The following TLL1 variants were observed in gnomAD, a reference collection of about 807,000 sequenced individuals.
TLL1 encodes tolloid-like protein 1.
A neutral mutation model predicts 128.2 loss-of-function variants in TLL1; 49 were observed. That is an observed-to-expected ratio of 0.38 (90% CI 0.30 to 0.48). The LOEUF (loss-of-function observed/expected upper bound fraction) is 0.48. TLL1 is among the 20% of genes least tolerant of loss of function. The pLI is 0.96. For synonymous variants in TLL1, 454 were observed against 418.8 expected, an observed-to-expected ratio of 1.08 and a Z score of -1.03; for missense variants, 1,123 against 1,242.0, an observed-to-expected ratio of 0.90 and a Z score of 1.44.
intron 9 of TLL1, among the ~76,000 whole-genome samples, chr4:166,028,751 G>T (rs1338032045): frequency 2.6e-5 from 4 of 151,884 alleles, no homozygotes; most frequent in Non-Finnish European, 5.9e-5. Context: ...GATGGTTTGG[G>T]TTAAAACTCT....
At chr4:166,009,935 A>G (rs1463032587) in intron 7 of TLL1, among the ~76,000 whole-genome samples, 1 of 151,394 alleles carries the variant, frequency 6.6e-6, no homozygotes, top group Non-Finnish European at 1.5e-5. Flanking sequence ...TAACTTATTC[A>G]TCTTGCAAAA....
intron 1 of TLL1, among the ~76,000 whole-genome samples, chr4:165,969,958 C>T (rs887850042): frequency 6.6e-6 from 1 of 152,020 alleles, no homozygotes; most frequent in Non-Finnish European, 1.5e-5. Context: ...TGTAATTTTA[C>T]AGAAATTTGT....
At chr4:166,004,631 G>T (rs1460821054) in intron 6 of TLL1, among the ~76,000 whole-genome samples, 1 of 152,122 alleles carries the variant, frequency 6.6e-6, no homozygotes. Context: ...AAGTAAAGCA[G>T]AAGTATTTCA....
chr4:165,873,950 G>A lies in TLL1; in HGVS notation c.46G>A (p.Ala16Thr). ...CCCGAGGATGCTCGTGTGGCTGGTGGCCTCGGGGATTGTTTTCTACGGGGA... is the reference window on the plus strand; with the variant it reads ...CCCGAGGATGCTCGTGTGGCTGGTGACCTCGGGGATTGTTTTCTACGGGGA... ...LSPRMLVWLV[A>T]SGIVFYGELW... Residue 16 changes from alanine to threonine, a missense_variant, in exon 1 of 21, where the codon GCC becomes ACC. Ala to Thr is a moderately conservative substitution (Grantham distance 58). Around this residue, in one of 3 missense-constraint regions of TLL1, gnomAD observed 480 missense variants for 542.4 expected, o/e 0.89. Coordinates refer to ENST00000061240, the MANE Select transcript of TLL1 (RefSeq NM_012464.5). 6.2e-7 allele frequency: 1 copy of A among 1,614,146 alleles called. No homozygotes were observed. Among genetic ancestry groups the A allele is most frequent in the East Asian group, 2.2e-5 (1 of 44,848 alleles).
intron 1 of TLL1, among the ~76,000 whole-genome samples, chr4:165,940,644 C>T (rs529093877): frequency 2.2e-4 from 34 of 152,082 alleles, no homozygotes; most frequent in African/African-American, 7.7e-4. Flanking sequence ...TTAATATGCA[C>T]ATATGCAAAG....
At chr4:166,099,616 A>T in intron 20 of TLL1, 89 bp downstream of exon 20, 2 of 1,389,600 alleles carry the variant, frequency 1.4e-6, no homozygotes, top group Non-Finnish European at 2.0e-6. Context: ...CAAGTTGGCA[A>T]TGCTTTTTGC....
At chr4:166,095,562 T>C (rs556259356) in intron 19 of TLL1, among the ~76,000 whole-genome samples, 95 of 152,194 alleles carry the variant, frequency 6.2e-4, no homozygotes, top group African/African-American at 2.2e-3. Flanking sequence ...TCTTTGTCAA[T>C]GACATTCAAA....
chr4:166,065,019 T>C (rs1579697511), intron 15 of TLL1, among the ~76,000 whole-genome samples: 1 of 152,088 alleles, frequency 6.6e-6, no homozygotes, highest in African/African-American at 2.4e-5. Context: ...GAAACATCTG[T>C]TAGTGGCCAT....
intron 1 of TLL1, among the ~76,000 whole-genome samples, chr4:165,954,416 A>G (rs1454402270): frequency 2.0e-5 from 3 of 152,168 alleles, no homozygotes; most frequent in African/African-American, 7.2e-5. Context: ...TATGACCACA[A>G]ACTTAATAAT....
chr4:165,976,821 C>A (rs1181484931), intron 1 of TLL1, among the ~76,000 whole-genome samples: 1 of 152,220 alleles, frequency 6.6e-6, no homozygotes, highest in East Asian at 1.9e-4. Flanking sequence ...ATGTCCAACC[C>A]ATGGCCTCTG....
rs751340215 is a variant in TLL1, at chr4:165,885,603, A to AAAC, written c.169+11532_169+11533insCAA. 3.0e-3 allele frequency among the ~76,000 whole-genome samples: 461 copies of AAAC among 152,018 alleles called. 2 individuals carry two copies. Among genetic ancestry groups the AAAC allele is most frequent in the African/African-American group, 0.01 (434 of 41,456 alleles). On this transcript the variant is annotated intron_variant, in intron 1 of 20. Transcript: ENST00000061240. ...TTCTGAAAACAAACAAACAAACAAAAAAAAAACTACCAAAGAGTAGCAAGG... is the reference window on the plus strand; with the variant it reads ...TTCTGAAAACAAACAAACAAACAAAAAACAAAAAACTACCAAAGAGTAGCAAGG...
At chr4:166,018,708 C>A (rs986828153) in intron 8 of TLL1, among the ~76,000 whole-genome samples, 1 of 151,928 alleles carries the variant, frequency 6.6e-6, no homozygotes, top group African/African-American at 2.4e-5. Flanking sequence ...AAAAAATGCT[C>A]ATCATTGCTA....
chr4:166,012,430 GA>G (rs2111047904), intron 7 of TLL1, among the ~76,000 whole-genome samples: 1 of 151,650 alleles, frequency 6.6e-6, no homozygotes, highest in East Asian at 1.9e-4. Context: ...GTCTGAAATT[GA>G]ATATATTCTC....
intron 13 of TLL1, among the ~76,000 whole-genome samples, 163 bp from the exon 14 acceptor site, chr4:166,057,020 CA>C (rs1384494240): frequency 6.6e-6 from 1 of 152,096 alleles, no homozygotes; most frequent in Non-Finnish European, 1.5e-5. Flanking sequence ...AAAGAACCCC[CA>C]ACCATGATTC....
intron 9 of TLL1, among the ~76,000 whole-genome samples, chr4:166,031,761 G>T (rs1738781216): frequency 6.6e-6 from 1 of 152,102 alleles, no homozygotes; most frequent in South Asian, 2.1e-4. Context: ...GCAAAAACCT[G>T]TCTCAAAATT....
At chr4:165,999,207 A>G (rs567159341) in intron 5 of TLL1, among the ~76,000 whole-genome samples, 8 of 152,178 alleles carry the variant, frequency 5.3e-5, no homozygotes, top group African/African-American at 1.9e-4. Flanking sequence ...CCACATTTTC[A>G]GGTATTTTTA....
At chr4:166,056,035 A>G (rs866837941) in intron 13 of TLL1, among the ~76,000 whole-genome samples, 15 of 152,208 alleles carry the variant, frequency 9.9e-5, no homozygotes, top group Middle Eastern at 3.5e-3. Context: ...AGATATGTAA[A>G]TATTGTCATA....
intron 18 of TLL1, among the ~76,000 whole-genome samples, chr4:166,083,996 T>G (rs1741396157): frequency 6.6e-6 from 1 of 152,150 alleles, no homozygotes; most frequent in African/African-American, 2.4e-5. Context: ...TAATTTACAT[T>G]CCCAACAACA....
intron 18 of TLL1, among the ~76,000 whole-genome samples, 170 bp from the exon 19 acceptor site, chr4:166,090,958 T>C (rs554847351): frequency 7.5e-6 from 1 of 133,088 alleles, no homozygotes; most frequent in African/African-American, 2.7e-5. Flanking sequence ...TGTGTCTTTT[T>C]AGAGATTACA....
Sources: allele counts gnomAD v4.1 joint callset (sites outside exome capture counted in the v4.1 genomes callset), GRCh38; gene constraint gnomAD v4.1.1; regional missense constraint gnomAD v4.1.1; transcripts MANE v1.5; gene names NCBI Gene and HGNC (gene_info 2026-07-23, HGNC 2026-07-21).